The following PRTG variants were observed in gnomAD, a reference collection of about 807,000 sequenced individuals.
PRTG encodes the protein immunoglobulin superfamily, DCC subclass, member 5.
A neutral mutation model predicts 122.5 loss-of-function variants in PRTG; 67 were observed. The ratio of observed to expected loss-of-function variants is 0.55; its 90% confidence interval spans 0.45 to 0.67. The LOEUF is 0.67. Among genes scored for constraint, PRTG ranks in the 30% least tolerant of loss-of-function variants. PRTG has a pLI of 0.00. For missense variants in PRTG, 1,435 were observed against 1,415.4 expected, an observed-to-expected ratio of 1.01 and a Z score of -0.22; for synonymous variants, 554 against 501.1, an observed-to-expected ratio of 1.11 and a Z score of -1.41.
chr15:55,709,931 T>C (rs1462561308), intron 2 of PRTG, among the ~76,000 whole-genome samples: 3 of 152,182 alleles, frequency 2.0e-5, no homozygotes, highest in African/African-American at 4.8e-5. Flanking sequence ...GATGGTTTCA[T>C]TGGTACACAT....
intron 17 of PRTG, among the ~76,000 whole-genome samples, 189 bp from the exon 18 acceptor site, chr15:55,624,696 TA>T (rs761291190): frequency 6.6e-6 from 1 of 152,244 alleles, no homozygotes; most frequent in East Asian, 1.9e-4. Flanking sequence ...GAGGCATCTT[TA>T]TTTCTTTTTG....
chr15:55,638,977 CAT>C (rs2059274048), intron 13 of PRTG, among the ~76,000 whole-genome samples: 2 of 151,898 alleles, frequency 1.3e-5, no homozygotes, highest in Non-Finnish European at 2.9e-5. Context: ...TTCATTCATT[CAT>C]TCATTCATTC....
At chr15:55,702,032 T>A (rs1215435549) in intron 2 of PRTG, among the ~76,000 whole-genome samples, 1 of 152,132 alleles carries the variant, frequency 6.6e-6, no homozygotes, top group Non-Finnish European at 1.5e-5. Context: ...ACTCTACACA[T>A]GTGTTAAAAT....
intron 2 of PRTG, among the ~76,000 whole-genome samples, chr15:55,709,206 C>A (rs998292183): frequency 2.2e-5 from 2 of 90,004 alleles, no homozygotes; most frequent in Admixed American, 1.2e-4. Flanking sequence ...CCCTATGGGA[C>A]CCTTTAGATA....
rs541887784 is a variant in PRTG at position 55,722,027 on chromosome 15, C to A, written c.397+18355G>T. On this transcript the variant is annotated intron_variant, in intron 2 of 19. Transcript: ENST00000389286. ...ACCACTCCCTAACTGCCCCTTCCCC[C>A]AGACTTGGAGATGCATGGAGAAGTA... is the stretch of plus-strand genomic sequence containing the variant. 5.7e-4 allele frequency among the ~76,000 whole-genome samples: 86 copies of A among 152,164 alleles called. 1 individual carries two copies. The highest frequency in any genetic ancestry group is 8.5e-4 in the Non-Finnish European group (58 of 68,034).
chr15:55,721,354 C>A (rs2141868946), intron 2 of PRTG, among the ~76,000 whole-genome samples: 1 of 152,200 alleles, frequency 6.6e-6, no homozygotes. Context: ...CAATCCCTTG[C>A]AGTTAATCAC....
chr15:55,694,843 T>C (rs899677080), intron 2 of PRTG, among the ~76,000 whole-genome samples: 1 of 152,176 alleles, frequency 6.6e-6, no homozygotes, highest in African/African-American at 2.4e-5. Context: ...TTTCCGCCAG[T>C]TAGGTATGAT....
At chr15:55,694,648 C>T (rs1011505474) in intron 2 of PRTG, among the ~76,000 whole-genome samples, 6 of 152,012 alleles carry the variant, frequency 3.9e-5, no homozygotes, top group African/African-American at 7.2e-5. Context: ...TTTTCAATTT[C>T]GATTCTTTTA....
chr15:55,732,934 G>A (rs1387733659), intron 2 of PRTG, among the ~76,000 whole-genome samples: 1 of 152,222 alleles, frequency 6.6e-6, no homozygotes, highest in East Asian at 1.9e-4. Context: ...AATGGTGGCT[G>A]GACGCAGTGG....
At chr15:55,656,741 C>T (rs1287010407) in intron 11 of PRTG, among the ~76,000 whole-genome samples, 1 of 152,226 alleles carries the variant, frequency 6.6e-6, no homozygotes, top group Non-Finnish European at 1.5e-5. Context: ...ATCTCCTGAC[C>T]TCATGATCTG....
In PRTG at chr15:55,672,464, G is replaced by C. The variant is rs768238894; in HGVS notation, c.2022C>G (p.Leu674=). ...GPIFLDTKDL[L]YTLSGLDPRR... ...ACTCACCTAAGCCACTGAGAGTATA[G>C]AGTAGGTCCTTGGTATCCAAGAAAA... is the stretch of plus-strand genomic sequence containing the variant. The change falls in exon 11 of 20, where the codon CTC becomes CTG. Residue 674 remains leucine (L), a synonymous_variant. Coordinates refer to ENST00000389286, the MANE Select transcript of PRTG (RefSeq NM_173814.6). 6 of 1,613,822 alleles carry C rather than the reference G, an allele frequency of 3.7e-6. No homozygotes were observed. Among genetic ancestry groups the C allele is most frequent in the Non-Finnish European group, 5.1e-6 (6 of 1,179,866 alleles).
At chr15:55,624,544 C>A (rs1282316201) in intron 17 of PRTG, 37 bp from the exon 18 acceptor site, 7 of 1,573,452 alleles carry the variant, frequency 4.4e-6, no homozygotes, top group African/African-American at 1.4e-5. Context: ...CTTCTAATTT[C>A]ATAGAAGATG....
At position 55,743,149 on chromosome 15, in the gene PRTG, G is replaced by T; in HGVS notation, c.-218C>A. Reference sequence around the variant, plus strand: ...GGGCCTGAGAGTCCGGCTGGGGGCGGAGTGAGGCGGCGGCTGCAGAGGGCG... The same window carrying T: ...GGGCCTGAGAGTCCGGCTGGGGGCGTAGTGAGGCGGCGGCTGCAGAGGGCG... On this transcript the variant is annotated 5_prime_UTR_variant, in exon 1 of 20. Coordinates refer to ENST00000389286, the MANE Select transcript of PRTG (RefSeq NM_173814.6). 1 of 1,243,910 alleles carries T rather than the reference G, an allele frequency of 8.0e-7. No individual in the cohort carries two copies. The highest frequency in any genetic ancestry group is 3.3e-5 in the South Asian group (1 of 30,702). The allele number at this position is 1,243,910 out of a possible 1,614,324, so 77.1% of individuals were successfully genotyped here. A position where few individuals can be genotyped will look rare whatever the true frequency, so the allele number is the denominator to read the frequency against.
chr15:55,707,858 T>C (rs2030196433), intron 2 of PRTG, among the ~76,000 whole-genome samples: 1 of 152,186 alleles, frequency 6.6e-6, no homozygotes, highest in South Asian at 2.1e-4. Flanking sequence ...ACTGTAAAGC[T>C]AGATTTCCCA....
At chr15:55,629,555 C>T (rs531903468) in intron 15 of PRTG, among the ~76,000 whole-genome samples, 65 of 152,018 alleles carry the variant, frequency 4.3e-4, no homozygotes, top group Middle Eastern at 3.4e-3. Context: ...AATAATTATA[C>T]TCTTATTTTT....
rs2059133785 is a variant in PRTG, at chr15:55,614,468, ATGGTCCTGT to A, written c.*5535_*5543del. On this transcript the variant is annotated 3_prime_UTR_variant, in exon 20 of 20. Coordinates refer to ENST00000389286, the MANE Select transcript of PRTG (RefSeq NM_173814.6). ...AAGAAAACAAAGAATAAACTTGAGC[ATGGTCCTGT>A]TCATCACTCTGAGTTCCTGTGTTTT... 6.6e-6 allele frequency: 1 copy of A among 152,116 alleles called. No homozygotes were observed. Among genetic ancestry groups the A allele is most frequent in the African/African-American group, 2.4e-5 (1 of 41,450 alleles). 9.4% of individuals were successfully genotyped at this position (152,116 alleles called of 1,614,324 possible). A position where few individuals can be genotyped will look rare whatever the true frequency, so the allele number is the denominator to read the frequency against.
intron 2 of PRTG, among the ~76,000 whole-genome samples, chr15:55,729,995 C>T (rs1436930500): frequency 6.6e-6 from 1 of 152,196 alleles, no homozygotes; most frequent in Non-Finnish European, 1.5e-5. Flanking sequence ...TTAAAAATCA[C>T]CTTATACAAC....
intron 15 of PRTG, among the ~76,000 whole-genome samples, chr15:55,630,105 G>C (rs1437833536): frequency 1.3e-5 from 2 of 151,532 alleles, no homozygotes; most frequent in African/African-American, 4.8e-5. Context: ...TCCCGCCTCA[G>C]CCTCCTGAGT....
chr15:55,684,240 T>C (rs1385784275), intron 2 of PRTG, among the ~76,000 whole-genome samples: 1 of 152,222 alleles, frequency 6.6e-6, no homozygotes, highest in Non-Finnish European at 1.5e-5. Context: ...TACTAAACTG[T>C]GTGGTACAAA....
Sources: gnomAD v4.1 joint callset for allele counts (sites outside exome capture counted in the v4.1 genomes callset) on GRCh38, gnomAD v4.1.1 for gene constraint, MANE v1.5 for transcripts, NCBI Gene and HGNC (gene_info 2026-07-23, HGNC 2026-07-21) for gene names.